Variants in PRDM10 observed in about 807,000 individuals in gnomAD.
The protein encoded by PRDM10 is PR domain zinc finger protein 10.
Under a neutral mutation model 133.1 loss-of-function variants are expected in PRDM10, and 65 were observed. That is an observed-to-expected ratio of 0.49 (90% CI 0.40 to 0.60). PRDM10 has a LOEUF of 0.60. Among genes scored for constraint, PRDM10 ranks in the 20% least tolerant of loss-of-function variants. PRDM10 has a pLI of 0.00. For missense variants in PRDM10, 1,137 were observed against 1,507.1 expected (o/e 0.75, Z 4.07); for synonymous variants, 582 against 580.4 (o/e 1.00, Z -0.04).
Position 129,900,704 on chromosome 11 carries a change from C to G in PRDM10, c.*1609G>C, listed in dbSNP as rs775742599. 6.6e-6 allele frequency: 1 copy of G among 152,180 alleles called. No homozygotes were observed. Among genetic ancestry groups the G allele is most frequent in the Non-Finnish European group, 1.5e-5 (1 of 68,024 alleles). The allele number at this position is 152,180 out of a possible 1,614,324, so 9.4% of individuals were successfully genotyped here. On this transcript the variant is annotated 3_prime_UTR_variant, in exon 21 of 21. Coordinates refer to ENST00000360871, the MANE Select transcript of PRDM10 (RefSeq NM_199437.2). Reference sequence around the variant, plus strand: ...GAACCCGAACCTGTGTTTTGCAATGCAGGGTCAATATTTTCTGTTGAATAT... The same window carrying G: ...GAACCCGAACCTGTGTTTTGCAATGGAGGGTCAATATTTTCTGTTGAATAT...
At chr11:129,902,573 C>A in intron 20 of PRDM10, 57 bp from the exon 21 acceptor site, 1 of 1,564,842 alleles carries the variant, frequency 6.4e-7, no homozygotes, top group South Asian at 1.2e-5. Context: ...GAGGGTGAAG[C>A]TACTGGGGAA....
At chr11:129,974,175 A>G (rs2135953909) in intron 1 of PRDM10, among the ~76,000 whole-genome samples, 1 of 152,342 alleles carries the variant, frequency 6.6e-6, no homozygotes, top group East Asian at 1.9e-4. Flanking sequence ...ATGATATATT[A>G]TTTGCAAAGT....
intron 1 of PRDM10, among the ~76,000 whole-genome samples, chr11:129,963,017 T>G (rs1050209618): frequency 1.3e-5 from 2 of 151,784 alleles, no homozygotes; most frequent in African/African-American, 2.4e-5. Context: ...GGTGTGGTGG[T>G]GTGCACCTGT....
intron 17 of PRDM10, 57 bp downstream of exon 17, chr11:129,914,646 GA>G: frequency 6.3e-7 from 1 of 1,594,194 alleles, no homozygotes; most frequent in Non-Finnish European, 8.6e-7. Flanking sequence ...CTCTGAGAAT[GA>G]GGTGCTAGTG....
At chr11:129,926,670 T>C (rs1950687436) in intron 11 of PRDM10, among the ~76,000 whole-genome samples, 2 of 152,202 alleles carry the variant, frequency 1.3e-5, no homozygotes, top group African/African-American at 4.8e-5. Flanking sequence ...ATTTTTAAGC[T>C]GCTACCTACT....
At chr11:129,981,903 A>G (rs2135970346) in intron 1 of PRDM10, among the ~76,000 whole-genome samples, 1 of 152,020 alleles carries the variant, frequency 6.6e-6, no homozygotes, top group East Asian at 1.9e-4. Context: ...TCTCAAAAAA[A>G]GTATAATAAA....
At chr11:129,936,115 T>C (rs1319192987) in intron 8 of PRDM10, among the ~76,000 whole-genome samples, 1 of 152,164 alleles carries the variant, frequency 6.6e-6, no homozygotes, top group Non-Finnish European at 1.5e-5. Flanking sequence ...TACGTAATGA[T>C]GTCTCAATAA....
intron 1 of PRDM10, among the ~76,000 whole-genome samples, chr11:130,001,902 C>T (rs542157634): frequency 1.6e-4 from 25 of 151,802 alleles, no homozygotes; most frequent in Middle Eastern, 3.4e-3. Flanking sequence ...CCGGCCAGCC[C>T]CGACGCGGTG....
Position 129,986,399 on chromosome 11 carries a change from T to G in PRDM10, c.-119+16323A>C, listed in dbSNP as rs141748037. 8.2e-3 allele frequency among the ~76,000 whole-genome samples: 1,241 copies of G among 152,250 alleles called. 25 individuals carry two copies. The highest frequency in any genetic ancestry group is 0.029 in the African/African-American group (1,186 of 41,544). ...TGTGTGAATTTCGTTTGCTTTGGGT[T>G]TTTTTTCGAGACAGGGTCTCACTCT... is the stretch of plus-strand genomic sequence containing the variant. On this transcript the variant is annotated intron_variant, in intron 1 of 20. Transcript: ENST00000360871.
chr11:129,966,938 C>T (rs1417066185), intron 1 of PRDM10, among the ~76,000 whole-genome samples: 3 of 152,182 alleles, frequency 2.0e-5, no homozygotes, highest in Non-Finnish European at 2.9e-5. Flanking sequence ...TCTGAAGAAT[C>T]AGACTCTTGG....
intron 1 of PRDM10, among the ~76,000 whole-genome samples, chr11:129,985,809 AATATATATATAT>A (rs1555114095): frequency 4.9e-5 from 3 of 61,094 alleles, no homozygotes; most frequent in African/African-American, 8.2e-5. Flanking sequence ...AAAAAAAAAA[AATATATATATAT>A]ATATATATAT....
rs1277706856 is a variant in PRDM10, at chr11:129,944,912, G to T, written c.621C>A (p.Ser207Arg). 6.2e-7 allele frequency: 1 copy of T among 1,613,940 alleles called. No homozygotes were observed. Among genetic ancestry groups the T allele is most frequent in the Non-Finnish European group, 8.5e-7 (1 of 1,180,030 alleles). The change falls in exon 6 of 21, where the codon AGC becomes AGA. Residue 207 changes from serine (S) to arginine (R), a missense_variant. Ser to Arg is a moderately radical substitution (Grantham distance 110). This residue lies in a region of PRDM10 where 635 missense variants were observed against 835.2 expected (regional missense o/e 0.76). Coordinates refer to ENST00000360871, the MANE Select transcript of PRDM10 (RefSeq NM_199437.2). ...NRPVLTRARASLPLVLYIDRF... is the reference protein window; with the variant it reads ...NRPVLTRARARLPLVLYIDRF... ...TGTCTATGTAGAGCACCAGGGGGAG[G>T]CTCGCCCTGGCCCGGGTGAGCACCG...
intron 18 of PRDM10, among the ~76,000 whole-genome samples, chr11:129,911,381 T>C (rs886268067): frequency 3.9e-5 from 6 of 152,178 alleles, no homozygotes; most frequent in Non-Finnish European, 2.9e-5. Context: ...ACCTGGCTGG[T>C]GGAGTTCAGC....
intron 1 of PRDM10, among the ~76,000 whole-genome samples, chr11:129,997,806 TAACTC>T (rs1427307929): frequency 2.6e-5 from 4 of 152,228 alleles, no homozygotes; most frequent in African/African-American, 9.6e-5. Flanking sequence ...CAGTAACAGT[TAACTC>T]AATTATCTGG....
intron 1 of PRDM10, among the ~76,000 whole-genome samples, chr11:129,974,889 A>G (rs952016111): frequency 1.3e-5 from 2 of 152,224 alleles, no homozygotes; most frequent in South Asian, 4.1e-4. Context: ...AGGAACCTTG[A>G]GGACATTACG....
intron 1 of PRDM10, among the ~76,000 whole-genome samples, chr11:129,971,581 T>A (rs1221305657): frequency 6.6e-6 from 1 of 150,672 alleles, no homozygotes; most frequent in East Asian, 1.9e-4. Context: ...ATAGGTGTAT[T>A]TACAATCCCT....
rs3734078 is a variant in PRDM10, at chr11:129,902,118, C to T, written c.*195G>A. The T allele has an allele frequency of 0.32, 222,073 of 695,364 alleles. 37,446 individuals are homozygous for T. The highest frequency in any genetic ancestry group is 0.5 in the East Asian group (16,951 of 33,676). The allele number at this position is 695,364 out of a possible 1,614,324, so 43.1% of individuals were successfully genotyped here. Reference sequence around the variant, plus strand: ...AAGATCTCTGTTCTGTGGCAAAAACCGAGGGTTTGAAGAGTCAATTTGATA... The same window carrying T: ...AAGATCTCTGTTCTGTGGCAAAAACTGAGGGTTTGAAGAGTCAATTTGATA... On this transcript the variant is annotated 3_prime_UTR_variant, in exon 21 of 21. Coordinates refer to ENST00000360871, the MANE Select transcript of PRDM10 (RefSeq NM_199437.2).
chr11:129,937,818 C>A (rs1360951623), intron 7 of PRDM10, 148 bp from the exon 8 acceptor site: 2 of 602,084 alleles, frequency 3.3e-6, no homozygotes. Context: ...GTGAGCTCCC[C>A]TTGCAATACC....
At chr11:129,950,293 C>G (rs1453647439) in intron 4 of PRDM10, among the ~76,000 whole-genome samples, 18 of 152,122 alleles carry the variant, frequency 1.2e-4, no homozygotes, top group Admixed American at 1.2e-3. Context: ...GAGGGCCTGA[C>G]CTGCAACGGC....
Sources: allele counts gnomAD v4.1 joint callset (sites outside exome capture counted in the v4.1 genomes callset), GRCh38; gene constraint gnomAD v4.1.1; regional missense constraint gnomAD v4.1.1; transcripts MANE v1.5; gene names NCBI Gene and HGNC (gene_info 2026-07-23, HGNC 2026-07-21).